Variants in CRTC2 observed in about 807,000 individuals in gnomAD.
The protein encoded by CRTC2 is CREB-regulated transcription coactivator 2.
CRTC2 carries 25 observed loss-of-function variants against 70.9 expected under a neutral mutation model. The ratio of observed to expected loss-of-function variants is 0.35; its 90% CI spans 0.26 to 0.49. The LOEUF is 0.49. CRTC2 is among the 20% of genes least tolerant of loss of function. The pLI is 0.98. For missense variants in CRTC2, 737 were observed against 882.6 expected (o/e 0.83, Z 2.09); for synonymous variants, 330 against 364.1 (o/e 0.91, Z 1.07).
chr1:153,948,084 G>C lies in CRTC2; in HGVS notation c.*25C>G, dbSNP rs767292512. 1.2e-6 allele frequency: 2 copies of C among 1,609,762 alleles called. No homozygotes were observed. The highest frequency in any genetic ancestry group is 8.5e-7 in the Non-Finnish European group (1 of 1,176,520). Reference sequence around the variant, plus strand: ...GAATGGTGGTGGGGGATGGGGCCAAGAAGAGGGATGGTGATGAGGTGCCCT... The same window carrying C: ...GAATGGTGGTGGGGGATGGGGCCAACAAGAGGGATGGTGATGAGGTGCCCT... On this transcript the variant is annotated 3_prime_UTR_variant, in exon 14 of 14. Transcript: ENST00000368633.
rs568652768 is a variant in CRTC2, at chr1:153,951,381, C to T, written c.1283G>A (p.Arg428His). 3.4e-5 allele frequency: 55 copies of T among 1,610,178 alleles called. No homozygotes were observed. The South Asian group carries it at 5.2e-4, about 15-fold the overall frequency. ...ASTPGASPHH[R>H]RVPLSPLSLL... ...ACTCAGGGGGCTGAGGGGCACACGG[C>T]GGTGGTGGGGGGAGGCCCCAGGGGT... Residue 428 changes from arginine to histidine, a missense_variant, in exon 11 of 14, where the codon CGC becomes CAC. Coordinates refer to ENST00000368633, the MANE Select transcript of CRTC2 (RefSeq NM_181715.3).
chr1:153,950,989 G>A (rs1299677307), intron 11 of CRTC2, among the ~76,000 whole-genome samples: 1 of 152,186 alleles, frequency 6.6e-6, no homozygotes, highest in African/African-American at 2.4e-5. Flanking sequence ...AAAATACTGA[G>A]GCTTATAGAA....
In CRTC2 at chr1:153,949,371, T is replaced by C. The variant is rs757031559; in HGVS notation, c.1418A>G (p.Asp473Gly). 36 of 1,609,734 alleles carry C rather than the reference T, an allele frequency of 2.2e-5. No individual in the cohort carries two copies. The highest frequency in any genetic ancestry group is 3.1e-5 in the Non-Finnish European group (36 of 1,177,832). Residue 473 changes from aspartate (D) to glycine (G), a missense_variant, in exon 12 of 14, where the codon GAT becomes GGT. Around this residue, in one of 3 missense-constraint regions of CRTC2, gnomAD observed 699 missense variants for 823.7 expected, o/e 0.85. Transcript: ENST00000368633. ...LSSITQGVPL[D>G]TSKLSTDQRL... ...CTGGTCAGTGGACAGTTTACTGGTA[T>C]CCAGGGGGACGCCCTGAAAAGAAGT...
Position 153,951,378 on chromosome 1 carries a change from C to T in CRTC2, c.1286G>A (p.Arg429His), listed in dbSNP as rs377025190. The T allele has an allele frequency of 4.7e-5, 75 of 1,611,140 alleles. No homozygotes were observed. Among genetic ancestry groups the T allele is most frequent in the Middle Eastern group, 3.3e-4 (2 of 6,050 alleles). ...CAAACTCAGGGGGCTGAGGGGCACA[C>T]GGCGGTGGTGGGGGGAGGCCCCAGG... The part of the protein sequence containing the change: ...STPGASPHHR[R>H]VPLSPLSLLA... The change falls in exon 11 of 14, where the codon CGT becomes CAT. Residue 429 changes from arginine (R) to histidine (H), a missense_variant. Transcript: ENST00000368633.
At chr1:153,953,639 G>A (rs763267143) in intron 4 of CRTC2, 33 bp from the exon 5 acceptor site, 2 of 1,503,790 alleles carry the variant, frequency 1.3e-6, no homozygotes, top group East Asian at 4.6e-5. Context: ...TGAGGAGGAA[G>A]GCTGGCAGTG....
Position 153,952,010 on chromosome 1 carries a change from T to A in CRTC2, c.997+8A>T, listed in dbSNP as rs759853966. On this transcript the variant is annotated splice_region_variant and intron_variant, in intron 10 of 13. Transcript: ENST00000368633. ...CCCAGTGGGCACATGGCCAGGACAG[T>A]CACTCACCTGGTGCATCATAGCCTG... The A allele has an allele frequency of 1.9e-6, 3 of 1,611,036 alleles. No individual in the cohort carries two copies. In the Admixed American group the frequency reaches 5.0e-5, roughly 27 times the overall value.
intron 1 of CRTC2, among the ~76,000 whole-genome samples, chr1:153,956,764 T>C (rs1422595087): frequency 6.6e-6 from 1 of 152,218 alleles, no homozygotes; most frequent in Non-Finnish European, 1.5e-5. Flanking sequence ...TTGGGTCCCC[T>C]GGCCATGTAT....
chr1:153,956,373 T>A (rs1282868329), intron 1 of CRTC2, among the ~76,000 whole-genome samples: 4 of 152,224 alleles, frequency 2.6e-5, no homozygotes, highest in African/African-American at 9.6e-5. Flanking sequence ...GGCATGGGTT[T>A]AGCCTGTGTA....
chr1:153,949,380 A>G lies in CRTC2; in HGVS notation c.1409T>C (p.Val470Ala). 1.2e-6 allele frequency: 2 copies of G among 1,604,580 alleles called. No individual in the cohort carries two copies. Among genetic ancestry groups the G allele is most frequent in the East Asian group, 4.5e-5 (2 of 44,752 alleles). Reference sequence around the variant, plus strand: ...GGACAGTTTACTGGTATCCAGGGGGACGCCCTGAAAAGAAGTAAAAAGAGG... The same window carrying G: ...GGACAGTTTACTGGTATCCAGGGGGGCGCCCTGAAAAGAAGTAAAAAGAGG... ...SPTLSSITQG[V>A]PLDTSKLSTD... Residue 470 changes from valine (V) to alanine (A), a missense_variant, in exon 12 of 14, where the codon GTC (valine) becomes GCC (alanine). By Grantham distance (64) the Val-to-Ala change is moderately conservative. Around this residue, in one of 3 missense-constraint regions of CRTC2, gnomAD observed 699 missense variants for 823.7 expected, o/e 0.85. Coordinates refer to ENST00000368633, the MANE Select transcript of CRTC2 (RefSeq NM_181715.3).
At chr1:153,954,148 T>G (rs1017685875) in intron 4 of CRTC2, 107 bp downstream of exon 4, 46 of 809,804 alleles carry the variant, frequency 5.7e-5, no homozygotes, top group Middle Eastern at 2.2e-4. Flanking sequence ...GAAGAGGTAC[T>G]GTTGAAACCT....
At chr1:153,951,739 G>T in intron 10 of CRTC2, 73 bp from the exon 11 acceptor site, 1 of 1,524,296 alleles carries the variant, frequency 6.6e-7, no homozygotes, top group Non-Finnish European at 8.9e-7. Context: ...ACCCAGAATG[G>T]GTGGCAGTGA....
intron 4 of CRTC2, among the ~76,000 whole-genome samples, 153 bp from the exon 5 acceptor site, chr1:153,953,759 T>G (rs1680479568): frequency 6.6e-6 from 1 of 151,948 alleles, no homozygotes; most frequent in South Asian, 2.1e-4. Flanking sequence ...CTCCTGCCTA[T>G]GATTGACCCC....
chr1:153,951,899 G>A (rs765263592), intron 10 of CRTC2, 119 bp downstream of exon 10: 9 of 1,358,538 alleles, frequency 6.6e-6, no homozygotes, highest in Non-Finnish European at 9.1e-6. Flanking sequence ...ATCCTGGGGT[G>A]CAGAGGTGAC....
intron 1 of CRTC2, among the ~76,000 whole-genome samples, 193 bp from the exon 2 acceptor site, chr1:153,955,359 A>T (rs1329171191): frequency 6.6e-6 from 1 of 152,114 alleles, no homozygotes; most frequent in East Asian, 1.9e-4. Flanking sequence ...CAAGGTCAGG[A>T]GATCGACACC....
At chr1:153,951,947 C>T in intron 10 of CRTC2, 71 bp downstream of exon 10, 1 of 1,557,412 alleles carries the variant, frequency 6.4e-7, no homozygotes, top group Non-Finnish European at 8.7e-7. Context: ...CTCAGGTGCT[C>T]AAACCTACCT....
rs751329018 is a variant in CRTC2, at chr1:153,952,067, G to A, written c.948C>T (p.His316=). The A allele has an allele frequency of 6.2e-7, 1 of 1,614,162 alleles. No individual in the cohort carries two copies. The highest frequency in any genetic ancestry group is 8.5e-7 in the Non-Finnish European group (1 of 1,180,020). Residue 316 remains histidine (H), a synonymous_variant, in exon 10 of 14, where the codon CAC becomes CAT. Transcript: ENST00000368633. ...GGCCCATGCCCCTGCTGATGCCCAG[G>A]TGAGTCATGGTGTGGGTCAAATTGG... ...STSNLTHTMT[H]LGISRGMGLG...
In CRTC2 at chr1:153,958,578, G is replaced by T; in HGVS notation, c.-81C>A. 1 of 1,377,476 alleles carries T rather than the reference G, an allele frequency of 7.3e-7. No homozygotes were observed. The allele number at this position is 1,377,476 out of a possible 1,614,324, so 85.3% of individuals were successfully genotyped here. A position where few individuals can be genotyped will look rare whatever the true frequency, so the allele number is the denominator to read the frequency against. ...CGGCCTCGGCCCGGCTCCTCCAGCCGTAGCCACCGCCGCCTCAGCGAGCAC... is the reference window on the plus strand; with the variant it reads ...CGGCCTCGGCCCGGCTCCTCCAGCCTTAGCCACCGCCGCCTCAGCGAGCAC... On this transcript the variant is annotated 5_prime_UTR_variant, in exon 1 of 14. Coordinates refer to ENST00000368633, the MANE Select transcript of CRTC2 (RefSeq NM_181715.3).
At chr1:153,948,764 C>G (rs192514755) in intron 12 of CRTC2, 120 bp from the exon 13 acceptor site, 1 of 1,168,068 alleles carries the variant, frequency 8.6e-7, no homozygotes, top group East Asian at 2.4e-5. Flanking sequence ...GAGGCAATGA[C>G]AGAGGGAGGT....
chr1:153,957,116 C>G (rs1680657427), intron 1 of CRTC2, among the ~76,000 whole-genome samples: 1 of 151,978 alleles, frequency 6.6e-6, no homozygotes, highest in Non-Finnish European at 1.5e-5. Flanking sequence ...TGTGCACATG[C>G]GTGCACAGAC....
Sources: allele counts gnomAD v4.1 joint callset (sites outside exome capture counted in the v4.1 genomes callset), GRCh38; gene constraint gnomAD v4.1.1; regional missense constraint gnomAD v4.1.1; transcripts MANE v1.5; gene names NCBI Gene and HGNC (gene_info 2026-07-23, HGNC 2026-07-21).